The following PDCD2L variants were observed in gnomAD, a reference collection of about 807,000 sequenced individuals.
PDCD2L encodes programmed cell death 2 like.
In PDCD2L, 44 loss-of-function variants were observed where a neutral mutation model predicts 40.4. That is an observed-to-expected ratio of 1.09 (90% CI 0.86 to 1.40). The LOEUF (loss-of-function observed/expected upper bound fraction) is 1.40. Ranked by LOEUF, PDCD2L falls within the 40% of genes most tolerant of loss-of-function variation. The probability of loss-of-function intolerance (pLI) is 0.00; values close to 1 mark genes in which losing one functional copy is unlikely to be tolerated. For missense variants in PDCD2L, 470 were observed against 453.7 expected (o/e 1.04, Z -0.33); for synonymous variants, 194 against 174.6 (o/e 1.11, Z -0.88).
Position 34,404,430 on chromosome 19 carries a change from C to A in PDCD2L, c.-1C>A. The A allele has an allele frequency of 1.3e-6, 2 of 1,541,490 alleles. No individual in the cohort carries two copies. Among genetic ancestry groups the A allele is most frequent in the Non-Finnish European group, 1.7e-6 (2 of 1,144,376 alleles). On this transcript the variant is annotated 5_prime_UTR_variant, in exon 1 of 7. Transcript: ENST00000246535. The stretch of plus-strand genomic sequence containing the variant: ...CGTTTTCACCTGGTCGCCCGGCGGC[C>A]ATGGCGGCCGTTCTGAAGCCGGTGC...
intron 3 of PDCD2L, among the ~76,000 whole-genome samples, chr19:34,405,733 T>C (rs1157464329): frequency 6.6e-6 from 1 of 151,702 alleles, no homozygotes; most frequent in Non-Finnish European, 1.5e-5. Flanking sequence ...AAACCCCGTC[T>C]CTATTAAAAA....
At chr19:34,407,116 C>T (rs909225008) in intron 3 of PDCD2L, among the ~76,000 whole-genome samples, 1 of 151,988 alleles carries the variant, frequency 6.6e-6, no homozygotes, top group African/African-American at 2.4e-5. Flanking sequence ...GGATTACAGG[C>T]GTGAGCCACC....
intron 5 of PDCD2L, among the ~76,000 whole-genome samples, chr19:34,418,331 C>T (rs2075134913): frequency 6.6e-6 from 1 of 152,192 alleles, no homozygotes; most frequent in East Asian, 1.9e-4. Context: ...AACCGCCAAT[C>T]ATCTTTCTGT....
chr19:34,411,677 CAG>C (rs1441243210), intron 4 of PDCD2L, among the ~76,000 whole-genome samples: 1 of 151,952 alleles, frequency 6.6e-6, no homozygotes, highest in East Asian at 1.9e-4. Flanking sequence ...TTTTTTGAGA[CAG>C]AGTCTCACTT....
intron 6 of PDCD2L, among the ~76,000 whole-genome samples, chr19:34,425,355 C>T (rs1265465078): frequency 2.0e-4 from 30 of 147,922 alleles, no homozygotes; most frequent in Non-Finnish European, 3.7e-4. Flanking sequence ...GGCCAGAGTA[C>T]GGTGGTGCAA....
rs1314359678 is a variant in PDCD2L at position 34,404,733 on chromosome 19, C to T, written c.193C>T (p.Pro65Ser). The change falls in exon 2 of 7, where the codon CCG becomes TCG. Residue 65 changes from proline (P) to serine (S), a missense_variant. Pro to Ser is a moderately conservative substitution (Grantham distance 74, BLOSUM62 -1). Coordinates refer to ENST00000246535, the MANE Select transcript of PDCD2L (RefSeq NM_032346.2). The part of the protein sequence containing the change: ...PLALVVQVYC[P>S]LEGSPFHRLL... ...CGCTCTGGTCGTGCAGGTGTATTGC[C>T]CGCTGGAAGGCTCCCCGTTTCACCG... 3 of 1,612,368 alleles carry T rather than the reference C, an allele frequency of 1.9e-6. No individual in the cohort carries two copies. Among genetic ancestry groups the T allele is most frequent in the Non-Finnish European group, 1.7e-6 (2 of 1,179,834 alleles).
intron 5 of PDCD2L, among the ~76,000 whole-genome samples, chr19:34,415,348 A>G (rs1019799057): frequency 6.6e-6 from 1 of 152,086 alleles, no homozygotes; most frequent in African/African-American, 2.4e-5. Context: ...TCCTGACTTC[A>G]AATGATCTGC....
chr19:34,421,734 T>A (rs2075152390), intron 6 of PDCD2L, 67 bp downstream of exon 6: 1 of 1,496,682 alleles, frequency 6.7e-7, no homozygotes, highest in African/African-American at 1.4e-5. Flanking sequence ...ATGAAAAACC[T>A]TTTGTTTACT....
chr19:34,417,062 C>T (rs1243198137), intron 5 of PDCD2L, among the ~76,000 whole-genome samples: 5 of 151,774 alleles, frequency 3.3e-5, no homozygotes, highest in African/African-American at 7.3e-5. Context: ...TGCAATCAGC[C>T]GAGATCGTGC....
chr19:34,420,537 C>T (rs886527674), intron 5 of PDCD2L, among the ~76,000 whole-genome samples: 1 of 151,996 alleles, frequency 6.6e-6, no homozygotes, highest in Non-Finnish European at 1.5e-5. Flanking sequence ...CCTGTAATCA[C>T]AGCACTTTGG....
At chr19:34,412,402 A>G (rs1418569023) in intron 4 of PDCD2L, among the ~76,000 whole-genome samples, 1 of 152,172 alleles carries the variant, frequency 6.6e-6, no homozygotes, top group Non-Finnish European at 1.5e-5. Flanking sequence ...CTACATGTAC[A>G]CAATTTAAAT....
At chr19:34,424,463 A>T (rs2075166747) in intron 6 of PDCD2L, among the ~76,000 whole-genome samples, 1 of 152,154 alleles carries the variant, frequency 6.6e-6, no homozygotes, top group Admixed American at 6.5e-5. Context: ...GAAAGGAAGT[A>T]AATATAGTTG....
chr19:34,414,918 A>G (rs1371197677), intron 5 of PDCD2L, among the ~76,000 whole-genome samples: 2 of 151,694 alleles, frequency 1.3e-5, no homozygotes, highest in East Asian at 3.9e-4. Flanking sequence ...CGATCCTCCC[A>G]AGTAGCTAGA....
chr19:34,404,583 G>T, intron 1 of PDCD2L, 45 bp downstream of exon 1: 1 of 1,583,258 alleles, frequency 6.3e-7, no homozygotes, highest in Non-Finnish European at 8.6e-7. Context: ...GCTGCTGAAG[G>T]GTGCGGAGGG....
chr19:34,420,427 T>G (rs1363707051), intron 5 of PDCD2L, among the ~76,000 whole-genome samples: 1 of 152,110 alleles, frequency 6.6e-6, no homozygotes, highest in African/African-American at 2.4e-5. Flanking sequence ...GGGTAAATTT[T>G]CCTGCTTCTT....
rs1460241711 is a variant in PDCD2L at position 34,421,663 on chromosome 19, T to C, written c.942T>C (p.Asn314=). 1.9e-6 allele frequency: 3 copies of C among 1,607,334 alleles called. No homozygotes were observed. In the African/African-American group the frequency reaches 4.0e-5, roughly 21 times the overall value. Residue 314 remains asparagine, a synonymous_variant, in exon 6 of 7, where the codon AAT becomes AAC. Coordinates refer to ENST00000246535, the MANE Select transcript of PDCD2L (RefSeq NM_032346.2). ...PALVSMLKSA[N]LGLSVEFGTI... is the part of the protein sequence containing the mutation. The stretch of plus-strand genomic sequence containing the variant: ...TGGTCAGCATGCTCAAGAGTGCTAA[T>C]TTAGGTGAGAAGCCCTTTATTAATT...
rs571576217 is a variant in PDCD2L at position 34,407,083 on chromosome 19, C to T, written c.337-2078C>T. On this transcript the variant is annotated intron_variant, in intron 3 of 6. Transcript: ENST00000246535. ...AACTCCTGACCTCAGGCAACCCACC[C>T]GCCTCGGCCTCCCAAAGTGCTGGGA... Among the ~76,000 whole-genome samples the T allele has an allele frequency of 4.8e-4, 73 of 151,994 alleles. No homozygotes were observed. In the South Asian group the frequency reaches 0.014, roughly 29 times the overall value.
At chr19:34,425,244 C>T (rs549544516) in intron 6 of PDCD2L, among the ~76,000 whole-genome samples, 2 of 148,792 alleles carry the variant, frequency 1.3e-5, no homozygotes, top group African/African-American at 2.5e-5. Context: ...ATATTTTTTG[C>T]CTGAATCCTT....
Position 34,404,717 on chromosome 19 carries a change from C to T in PDCD2L, c.177C>T (p.Val59=). 1 of 1,612,364 alleles carries T rather than the reference C, an allele frequency of 6.2e-7. No homozygotes were observed. Reference sequence around the variant, plus strand: ...GCTGCGGGCAGCCGCTCGCTCTGGTCGTGCAGGTGTATTGCCCGCTGGAAG... The same window carrying T: ...GCTGCGGGCAGCCGCTCGCTCTGGTTGTGCAGGTGTATTGCCCGCTGGAAG... ...CQRCGQPLAL[V]VQVYCPLEGS... Residue 59 remains valine, a synonymous_variant, in exon 2 of 7, where the codon GTC becomes GTT. Coordinates refer to ENST00000246535, the MANE Select transcript of PDCD2L (RefSeq NM_032346.2).
Sources: gnomAD v4.1 joint callset for allele counts (sites outside exome capture counted in the v4.1 genomes callset) on GRCh38, gnomAD v4.1.1 for gene constraint, MANE v1.5 for transcripts, NCBI Gene and HGNC (gene_info 2026-07-23, HGNC 2026-07-21) for gene names.